HYAL4: variants seen among roughly 807,000 people sequenced by gnomAD.
HYAL4 encodes hyaluronidase 4.
A neutral mutation model predicts 35.2 loss-of-function variants in HYAL4; 37 were observed. The ratio of observed to expected loss-of-function variants is 1.05; its 90% CI spans 0.81 to 1.38. The LOEUF (loss-of-function observed/expected upper bound fraction) is 1.38, where lower values mean the gene tolerates loss of function less well. Ranked by LOEUF, HYAL4 falls within the 40% of genes most tolerant of loss-of-function variation. The pLI is 0.00. For missense variants in HYAL4, 572 were observed against 572.4 expected (o/e 1.00, Z 0.01); for synonymous variants, 198 against 203.2 (o/e 0.97, Z 0.22).
At chr7:123,861,089 T>C (rs1264945847) in intron 2 of HYAL4, among the ~76,000 whole-genome samples, 1 of 152,140 alleles carries the variant, frequency 6.6e-6, no homozygotes, top group Non-Finnish European at 1.5e-5. Flanking sequence ...ACTCTTAACA[T>C]TGAGAGCTAG....
chr7:123,798,597 A>G, the HYAL4 span, among the ~76,000 whole-genome samples: 3 of 152,210 alleles, frequency 2.0e-5, no homozygotes, highest in Non-Finnish European at 4.4e-5. Context: ...TGGGTGTGTC[A>G]ATCACGTTCA....
At chr7:123,770,226 G>C in the HYAL4 span, among the ~76,000 whole-genome samples, 1 of 151,954 alleles carries the variant, frequency 6.6e-6, no homozygotes, top group Non-Finnish European at 1.5e-5. Flanking sequence ...GAGACAGGCG[G>C]ATCACGAGGA....
chr7:123,875,876 T>C (rs1807008762), intron 4 of HYAL4: 1 of 352,280 alleles, frequency 2.8e-6, no homozygotes, highest in African/African-American at 2.2e-5. Flanking sequence ...AATTGAATTT[T>C]TTTGCAAGTC....
chr7:123,855,048 G>C (rs1806401407), intron 2 of HYAL4, among the ~76,000 whole-genome samples: 1 of 151,492 alleles, frequency 6.6e-6, no homozygotes, highest in South Asian at 2.1e-4. Context: ...TGCAACCCCT[G>C]CCTTTTTTGC....
the HYAL4 span, among the ~76,000 whole-genome samples, chr7:123,818,352 C>G: frequency 1.3e-5 from 2 of 152,142 alleles, no homozygotes; most frequent in African/African-American, 4.8e-5. Context: ...TCTTATTCTT[C>G]CTGTGGATAT....
chr7:123,875,774 A>G (rs1807006932), intron 4 of HYAL4, among the ~76,000 whole-genome samples: 1 of 151,986 alleles, frequency 6.6e-6, no homozygotes. Context: ...ATTAATCACA[A>G]TCTCTTCCAT....
At chr7:123,779,342 T>C in the HYAL4 span, among the ~76,000 whole-genome samples, 2 of 152,084 alleles carry the variant, frequency 1.3e-5, no homozygotes, top group African/African-American at 2.4e-5. Flanking sequence ...AACCTAACAT[T>C]TCTCGGGGCA....
At chr7:123,812,040 C>T in the HYAL4 span, among the ~76,000 whole-genome samples, 2 of 152,178 alleles carry the variant, frequency 1.3e-5, no homozygotes, top group East Asian at 1.9e-4. Flanking sequence ...TGGGGTTTCA[C>T]CATGTTGGCC....
At chr7:123,786,836 G>A in the HYAL4 span, among the ~76,000 whole-genome samples, 4 of 151,900 alleles carry the variant, frequency 2.6e-5, no homozygotes, top group East Asian at 1.9e-4. Flanking sequence ...AACTGGGCGC[G>A]GTGGCTCATG....
chr7:123,834,493 T>C (rs1805931544), intron 1 of HYAL4, among the ~76,000 whole-genome samples: 1 of 152,158 alleles, frequency 6.6e-6, no homozygotes, highest in African/African-American at 2.4e-5. Context: ...CGGAGGATTC[T>C]TTAGGGTTTT....
In HYAL4 at chr7:123,848,928, ACAG is replaced by A. The variant is rs376726731; in HGVS notation, c.-52+771_-52+773del. ...TAAAGTGACTGAATATTTAGAGATA[ACAG>A]TCATCTGACATTTCAAAAAAGAAAA... is the stretch of plus-strand genomic sequence containing the variant. On this transcript the variant is annotated intron_variant, in intron 2 of 4. Transcript: ENST00000223026. Among the ~76,000 whole-genome samples, 353 of 152,304 alleles carry A rather than the reference ACAG, an allele frequency of 2.3e-3. 1 individual carries two copies. The highest frequency in any genetic ancestry group is 7.9e-3 in the African/African-American group (330 of 41,566).
At chr7:123,776,125 C>G in the HYAL4 span, among the ~76,000 whole-genome samples, 1 of 152,198 alleles carries the variant, frequency 6.6e-6, no homozygotes, top group Non-Finnish European at 1.5e-5. Flanking sequence ...TATGTCTCTG[C>G]TTATACGGCA....
chr7:123,846,765 T>G (rs1020488063), intron 1 of HYAL4, among the ~76,000 whole-genome samples: 2 of 152,176 alleles, frequency 1.3e-5, no homozygotes, highest in Non-Finnish European at 2.9e-5. Flanking sequence ...AGGACTCCTA[T>G]GAGACAAGGC....
chr7:123,873,434 T>C (rs35085728), intron 3 of HYAL4, among the ~76,000 whole-genome samples: 22,295 of 151,756 alleles, frequency 0.15, 1,813 homozygotes, highest in Non-Finnish European at 0.18. Flanking sequence ...AAAACTGATA[T>C]TGTAAAACCT....
At chr7:123,779,628 T>C in the HYAL4 span, among the ~76,000 whole-genome samples, 3 of 152,194 alleles carry the variant, frequency 2.0e-5, no homozygotes, top group African/African-American at 7.2e-5. Context: ...TATAAAATTC[T>C]ATTTTGAGTA....
chr7:123,829,910 TGA>T (rs1236420571), intron 1 of HYAL4, among the ~76,000 whole-genome samples: 3 of 152,014 alleles, frequency 2.0e-5, no homozygotes, highest in African/African-American at 4.8e-5. Context: ...AGAATAACAA[TGA>T]GGGGTAAAAT....
the HYAL4 span, among the ~76,000 whole-genome samples, chr7:123,816,079 A>G: frequency 6.6e-6 from 1 of 152,124 alleles, no homozygotes; most frequent in Non-Finnish European, 1.5e-5. Flanking sequence ...CTCCTACCCA[A>G]ATAAAAACCC....
At chr7:123,786,541 A>G in the HYAL4 span, among the ~76,000 whole-genome samples, 2 of 152,242 alleles carry the variant, frequency 1.3e-5, no homozygotes, top group South Asian at 4.1e-4. Context: ...ATCAGAGCCA[A>G]ACAAATAGAA....
the HYAL4 span, among the ~76,000 whole-genome samples, chr7:123,783,897 G>A: frequency 6.6e-6 from 1 of 152,166 alleles, no homozygotes; most frequent in Non-Finnish European, 1.5e-5. Flanking sequence ...AGAAATAAAA[G>A]TATGCTAAGT....
Sources: allele counts gnomAD v4.1 joint callset (sites outside exome capture counted in the v4.1 genomes callset), GRCh38; gene constraint gnomAD v4.1.1; transcripts MANE v1.5; gene names NCBI Gene and HGNC (gene_info 2026-07-23, HGNC 2026-07-21).